The following CDK18 variants were observed in gnomAD, a reference collection of about 807,000 sequenced individuals.
The protein encoded by CDK18 is cyclin-dependent kinase 18.
Under a neutral mutation model 62.0 loss-of-function variants are expected in CDK18, and 52 were observed. The ratio of observed to expected loss-of-function variants is 0.84; its 90% CI spans 0.67 to 1.06. CDK18 has a LOEUF of 1.06. CDK18 is among the 50% of genes least tolerant of loss of function. CDK18 has a pLI of 0.00. For synonymous variants in CDK18, 237 were observed against 247.0 expected, an observed-to-expected ratio of 0.96 and a Z score of 0.38; for missense variants, 604 against 619.9, an observed-to-expected ratio of 0.97 and a Z score of 0.27.
rs761531070 is a variant in CDK18, at chr1:205,526,719, G to C, written c.667-56G>C. On this transcript the variant is annotated intron_variant, in intron 7 of 15. Transcript: ENST00000429964. ...GGCTTCCTCTCCTCAGCCTGTGTCT[G>C]GGCTTCTGGCCAGGGGTCAGCGTGG... 4.6e-6 allele frequency: 7 copies of C among 1,507,276 alleles called. No individual in the cohort carries two copies. In the Middle Eastern group the frequency reaches 5.1e-4, roughly 110 times the overall value. 93.4% of individuals were successfully genotyped at this position (1,507,276 alleles called of 1,614,324 possible).
At chr1:205,526,553 T>G (rs1446828899) in intron 7 of CDK18, 92 bp downstream of exon 7, 17 of 1,103,348 alleles carry the variant, frequency 1.5e-5, no homozygotes, top group South Asian at 5.0e-5. Flanking sequence ...GTGGGAGTAG[T>G]GGGATGAGGG....
chr1:205,505,132 C>T (rs1473376843), intron 1 of CDK18, among the ~76,000 whole-genome samples: 3 of 152,124 alleles, frequency 2.0e-5, no homozygotes, highest in Non-Finnish European at 4.4e-5. Flanking sequence ...CACTTTGGCC[C>T]CTGGGCTCCC....
intron 1 of CDK18, among the ~76,000 whole-genome samples, chr1:205,509,758 C>T (rs2102271226): frequency 6.6e-6 from 1 of 152,156 alleles, no homozygotes; most frequent in East Asian, 1.9e-4. Context: ...AGGGATCAGC[C>T]CCCAAATTGG....
rs760625150 is a variant in CDK18, at chr1:205,523,222, C to G, written c.55C>G (p.Arg19Gly). 1 of 1,613,656 alleles carries G rather than the reference C, an allele frequency of 6.2e-7. No homozygotes were observed. Among genetic ancestry groups the G allele is most frequent in the Non-Finnish European group, 8.5e-7 (1 of 1,179,568 alleles). ...GCGCCGTTTCTCCCTGTCAGTGCCC[C>G]GCACTGAGACCATTGAAGAATCCTT... The part of the protein sequence containing the change: ...FKRRFSLSVP[R>G]TETIEESLAE... Residue 19 changes from arginine to glycine, a missense_variant, in exon 2 of 16, where the codon CGC becomes GGC. By Grantham distance (125) the Arg-to-Gly change is moderately radical (BLOSUM62 -2). Coordinates refer to ENST00000429964, the MANE Select transcript of CDK18 (RefSeq NM_212502.3).
chr1:205,509,229 G>C (rs1170990581), intron 1 of CDK18, among the ~76,000 whole-genome samples: 1 of 152,162 alleles, frequency 6.6e-6, no homozygotes, highest in East Asian at 1.9e-4. Flanking sequence ...TGGGAGACAT[G>C]GGCCAGAACT....
chr1:205,518,925 G>A (rs1180424817), intron 1 of CDK18, among the ~76,000 whole-genome samples: 23 of 152,308 alleles, frequency 1.5e-4, no homozygotes, highest in African/African-American at 5.1e-4. Flanking sequence ...TGGGAGGGGA[G>A]GTTGGCTGGG....
intron 1 of CDK18, among the ~76,000 whole-genome samples, chr1:205,515,209 C>T (rs1348169560): frequency 7.1e-6 from 1 of 140,864 alleles, no homozygotes; most frequent in African/African-American, 2.7e-5. Context: ...TGGAGTCTCG[C>T]TGCAACACCC....
chr1:205,530,436 C>T, intron 14 of CDK18, 87 bp downstream of exon 14: 1 of 1,406,626 alleles, frequency 7.1e-7, no homozygotes, highest in Non-Finnish European at 1.0e-6. Context: ...AACAAAGAGG[C>T]CAGAGGCCCC....
In CDK18 at chr1:205,528,772, G is replaced by T; in HGVS notation, c.975-227G>T. On this transcript the variant is annotated intron_variant, in intron 10 of 15. Transcript: ENST00000429964. The surrounding 1 kb of genome is among the most constrained non-coding windows in gnomAD (Gnocchi z 4.2). Reference sequence around the variant, plus strand: ...AGAGTGAAAGGGGACTTTCCTCACAGAGTGAAAGTCGCAGCTTTCCCGAGC... The same window carrying T: ...AGAGTGAAAGGGGACTTTCCTCACATAGTGAAAGTCGCAGCTTTCCCGAGC... The T allele has an allele frequency of 2.1e-6, 1 of 470,496 alleles. No individual in the cohort carries two copies. Among genetic ancestry groups the T allele is most frequent in the Non-Finnish European group, 3.8e-6 (1 of 265,258 alleles). The allele number at this position is 470,496 out of a possible 1,614,324, so 29.1% of individuals were successfully genotyped here. A position where few individuals can be genotyped will look rare whatever the true frequency, so the allele number is the denominator to read the frequency against.
intron 1 of CDK18, among the ~76,000 whole-genome samples, chr1:205,512,673 G>A (rs1258880656): frequency 2.6e-5 from 4 of 152,218 alleles, no homozygotes; most frequent in East Asian, 1.9e-4. Flanking sequence ...AGTTCTTGGC[G>A]GTGACATGAA....
At chr1:205,505,511 G>C (rs1025191351) in intron 1 of CDK18, among the ~76,000 whole-genome samples, 1 of 152,214 alleles carries the variant, frequency 6.6e-6, no homozygotes, top group Non-Finnish European at 1.5e-5. Flanking sequence ...ATGCAGCAGA[G>C]GGAAAGGAGG....
chr1:205,515,752 C>T lies in CDK18; in HGVS notation c.-21-7395C>T, dbSNP rs115145817. 3.4e-3 allele frequency among the ~76,000 whole-genome samples: 525 copies of T among 152,234 alleles called. 4 individuals are homozygous for T. Among genetic ancestry groups the T allele is most frequent in the African/African-American group, 0.011 (474 of 41,542 alleles). On this transcript the variant is annotated intron_variant, in intron 1 of 15. Coordinates refer to ENST00000429964, the MANE Select transcript of CDK18 (RefSeq NM_212502.3). Reference sequence around the variant, plus strand: ...GGAGTGAGACTCTAGGAGACAATGGCGTATTTGTCTGGAGCAAGGGCGACC... The same window carrying T: ...GGAGTGAGACTCTAGGAGACAATGGTGTATTTGTCTGGAGCAAGGGCGACC...
At position 205,523,511 on chromosome 1, in the gene CDK18, C is replaced by A. The variant is rs182526430; in HGVS notation, c.159C>A (p.Asp53Glu). ...TGCAGCTCGGTCCTCTTGGCAGAGA[C>A]CCCCCGCAGGAGTGCAGCACCTTCT... ...ENLQLGPLGR[D>E]PPQECSTFSP... The change falls in exon 3 of 16, where the codon GAC (aspartate) becomes GAA (glutamate). Residue 53 changes from aspartate to glutamate, a missense_variant. Physicochemically the swap from Asp to Glu is conservative, Grantham distance 45 (BLOSUM62 2). Coordinates refer to ENST00000429964, the MANE Select transcript of CDK18 (RefSeq NM_212502.3). 9 of 1,604,340 alleles carry A rather than the reference C, an allele frequency of 5.6e-6. No homozygotes were observed. The African/African-American group carries it at 1.1e-4, about 19-fold the overall frequency.
At chr1:205,509,288 G>A (rs1000424825) in intron 1 of CDK18, among the ~76,000 whole-genome samples, 1 of 152,076 alleles carries the variant, frequency 6.6e-6, no homozygotes, top group African/African-American at 2.4e-5. Context: ...CTTGATAATG[G>A]TCCCACCCTC....
Position 205,528,236 on chromosome 1 carries a change from C to T in CDK18, c.974+68C>T. 6.4e-7 allele frequency: 1 copy of T among 1,571,036 alleles called. No homozygotes were observed. Among genetic ancestry groups the T allele is most frequent in the Non-Finnish European group, 8.7e-7 (1 of 1,151,044 alleles). On this transcript the variant is annotated intron_variant, in intron 10 of 15. Transcript: ENST00000429964. The surrounding 1 kb of genome is among the most constrained non-coding windows in gnomAD (Gnocchi z 4.2). ...GGCCACACCTCCAGACTCTCCTTTG[C>T]TTCCCCAAGGGCCTCGGGGAAGAAC...
chr1:205,517,901 A>G lies in CDK18; in HGVS notation c.-21-5246A>G, dbSNP rs558398684. ...AAGCCTCAGTGTGATCATGTCACTC[A>G]TCCGTTCAAACCCTCCTTACCCCTC... On this transcript the variant is annotated intron_variant, in intron 1 of 15. Coordinates refer to ENST00000429964, the MANE Select transcript of CDK18 (RefSeq NM_212502.3). The surrounding 1 kb of genome is among the most constrained non-coding windows in gnomAD (Gnocchi z 4.1). Among the ~76,000 whole-genome samples the G allele has an allele frequency of 3.3e-5, 5 of 152,052 alleles. No homozygotes were observed. Among genetic ancestry groups the G allele is most frequent in the Admixed American group, 6.6e-5 (1 of 15,256 alleles).
At chr1:205,512,393 A>G (rs1257634805) in intron 1 of CDK18, among the ~76,000 whole-genome samples, 1 of 152,260 alleles carries the variant, frequency 6.6e-6, no homozygotes, top group East Asian at 1.9e-4. Context: ...CCCAGGGCCC[A>G]GGACAGTGCC....
In CDK18 at chr1:205,526,040, G is replaced by A. The variant is rs111912303; in HGVS notation, c.457-25G>A. 8.9e-6 allele frequency: 14 copies of A among 1,570,060 alleles called. No homozygotes were observed. The African/African-American group carries it at 1.3e-4, about 15-fold the overall frequency. On this transcript the variant is annotated intron_variant, in intron 5 of 15. Coordinates refer to ENST00000429964, the MANE Select transcript of CDK18 (RefSeq NM_212502.3). Reference sequence around the variant, plus strand: ...GGCCAGCAGCACCTGAATGCGCCTGGGGCCGCTGTGGCCCTCCATCCCAGG... The same window carrying A: ...GGCCAGCAGCACCTGAATGCGCCTGAGGCCGCTGTGGCCCTCCATCCCAGG...
chr1:205,530,926 C>G (rs550672605), intron 15 of CDK18, among the ~76,000 whole-genome samples: 23 of 152,342 alleles, frequency 1.5e-4, no homozygotes, highest in African/African-American at 5.3e-4. Flanking sequence ...GACAGTAGCC[C>G]TGGCAAAGAG....
Sources: gnomAD v4.1 joint callset for allele counts (sites outside exome capture counted in the v4.1 genomes callset) on GRCh38, gnomAD v4.1.1 for gene constraint, Gnocchi (gnomAD v3.1) non-coding constraint, MANE v1.5 for transcripts, NCBI Gene and HGNC (gene_info 2026-07-23, HGNC 2026-07-21) for gene names.